Variants in ZZZ3 observed in about 807,000 individuals in gnomAD.
ZZZ3 encodes the protein zinc finger ZZ-type containing 3.
ZZZ3 carries 22 observed loss-of-function variants against 95.2 expected under a neutral mutation model. The ratio of observed to expected loss-of-function variants is 0.23; its 90% CI spans 0.17 to 0.33. The LOEUF is 0.33. Ranked by LOEUF, ZZZ3 falls within the 10% of genes least tolerant of loss-of-function variation. The probability of loss-of-function intolerance (pLI) is 1.00; values close to 1 mark genes in which losing one functional copy is unlikely to be tolerated. For missense variants in ZZZ3, 885 were observed against 1,066.5 expected (o/e 0.83, Z 2.37); for synonymous variants, 335 against 358.9 (o/e 0.93, Z 0.75).
Position 77,631,887 on chromosome 1 carries a change from A to G in ZZZ3, c.1468T>C (p.Phe490Leu), listed in dbSNP as rs1667843976. The change falls in exon 5 of 15, where the codon TTT becomes CTT. Residue 490 changes from phenylalanine (F) to leucine (L), a missense_variant. Coordinates refer to ENST00000370801, the MANE Select transcript of ZZZ3 (RefSeq NM_015534.6). ...TTCAGTGCCACATGATCTGATTCAAAGTAATAAACATCAGGATCATCATCT... is the reference window on the plus strand; with the variant it reads ...TTCAGTGCCACATGATCTGATTCAAGGTAATAAACATCAGGATCATCATCT... ...EEDDDPDVYY[F>L]ESDHVALKHN... 2 of 1,608,752 alleles carry G rather than the reference A, an allele frequency of 1.2e-6. No homozygotes were observed. Among genetic ancestry groups the G allele is most frequent in the Admixed American group, 3.4e-5 (2 of 59,424 alleles).
At chr1:77,617,343 C>G (rs1666413558) in intron 5 of ZZZ3, among the ~76,000 whole-genome samples, 1 of 152,164 alleles carries the variant, frequency 6.6e-6, no homozygotes, top group African/African-American at 2.4e-5. Context: ...CTTTCAGTCT[C>G]TATAAATTTG....
At chr1:77,661,872 A>G (rs1004188332) in intron 1 of ZZZ3, among the ~76,000 whole-genome samples, 2 of 151,894 alleles carry the variant, frequency 1.3e-5, no homozygotes, top group African/African-American at 4.8e-5. Flanking sequence ...GCTAGAGTGC[A>G]GTGACACGAT....
At chr1:77,618,814 A>C (rs545624512) in intron 5 of ZZZ3, among the ~76,000 whole-genome samples, 1 of 152,332 alleles carries the variant, frequency 6.6e-6, no homozygotes, top group African/African-American at 2.4e-5. Context: ...GGAAATTTTA[A>C]AACAATCTGT....
intron 1 of ZZZ3, among the ~76,000 whole-genome samples, chr1:77,663,044 G>A (rs1364477539): frequency 6.6e-6 from 1 of 151,830 alleles, no homozygotes; most frequent in Non-Finnish European, 1.5e-5. Context: ...GGTGGAAGTT[G>A]CAGTGAACCA....
intron 1 of ZZZ3, among the ~76,000 whole-genome samples, chr1:77,648,792 C>A (rs1414006100): frequency 6.6e-6 from 1 of 152,070 alleles, no homozygotes; most frequent in East Asian, 1.9e-4. Flanking sequence ...AAGAAATGAT[C>A]CCAAACTTTC....
chr1:77,578,056 T>A (rs998769507), intron 11 of ZZZ3, among the ~76,000 whole-genome samples: 4 of 152,092 alleles, frequency 2.6e-5, no homozygotes, highest in Non-Finnish European at 5.9e-5. Context: ...ACTTAGCAGC[T>A]AAGCAACTAG....
chr1:77,610,864 T>C (rs1665727382), intron 5 of ZZZ3, among the ~76,000 whole-genome samples: 1 of 151,780 alleles, frequency 6.6e-6, no homozygotes, highest in African/African-American at 2.4e-5. Context: ...ACAGCTGACA[T>C]CATACTCAAG....
chr1:77,631,706 C>T (rs1667828559), intron 5 of ZZZ3, 144 bp downstream of exon 5: 2 of 615,120 alleles, frequency 3.3e-6, no homozygotes, highest in Non-Finnish European at 2.6e-6. Context: ...TGGAGTTTTT[C>T]TAAGAGTTGA....
rs139323381 is a variant in ZZZ3 at position 77,632,420 on chromosome 1, C to T, written c.935G>A (p.Arg312Lys). Residue 312 changes from arginine to lysine, a missense_variant, in exon 5 of 15, where the codon AGG (arginine) becomes AAG (lysine). Physicochemically the swap from Arg to Lys is conservative, Grantham distance 26. Around this residue, in one of 5 missense-constraint regions of ZZZ3, gnomAD observed 556 missense variants for 652.9 expected, o/e 0.85. Transcript: ENST00000370801. ...CACATCTACTTCCTCCTCAGAATCC[C>T]TTAAAGATGACTGAGTTTCAGAAAA... ...GPFSETQSSL[R>K]DSEEEVDVVG... 3.9e-5 allele frequency: 63 copies of T among 1,614,004 alleles called. No homozygotes were observed. The highest frequency in any genetic ancestry group is 5.0e-5 in the Non-Finnish European group (59 of 1,180,002).
intron 5 of ZZZ3, among the ~76,000 whole-genome samples, chr1:77,617,665 G>A (rs557247963): frequency 4.6e-5 from 7 of 151,984 alleles, no homozygotes; most frequent in Non-Finnish European, 8.8e-5. Context: ...TGAGCCAGAC[G>A]TGGTGGCTCA....
intron 5 of ZZZ3, among the ~76,000 whole-genome samples, chr1:77,600,938 A>T (rs970282723): frequency 1.3e-5 from 2 of 152,340 alleles, no homozygotes; most frequent in East Asian, 3.8e-4. Flanking sequence ...TTTCAGTCAG[A>T]CTAGGATGGA....
chr1:77,669,883 G>A lies in ZZZ3; in HGVS notation c.-403+12702C>T, dbSNP rs747338056. On this transcript the variant is annotated intron_variant, in intron 1 of 14. Coordinates refer to ENST00000370801, the MANE Select transcript of ZZZ3 (RefSeq NM_015534.6). ...AAAGAAAAGAAAACTGTAATAGGCT[G>A]AAGGTGGGAATGACTTAAAACAGGT... is the stretch of plus-strand genomic sequence containing the variant. Among the ~76,000 whole-genome samples, 24 of 152,322 alleles carry A rather than the reference G, an allele frequency of 1.6e-4. No individual in the cohort carries two copies. The Middle Eastern group carries it at 0.01, about 65-fold the overall frequency.
chr1:77,599,120 GAGTATTTAAATAAATAAAT>G (rs1664490533), intron 5 of ZZZ3, among the ~76,000 whole-genome samples: 1 of 152,036 alleles, frequency 6.6e-6, no homozygotes, highest in South Asian at 2.1e-4. Context: ...GGTTTTTAAA[GAGTATTTAAATAAATAAAT>G]AAATAGTAAA....
chr1:77,573,559 A>G (rs572395526), intron 12 of ZZZ3, among the ~76,000 whole-genome samples: 1 of 152,354 alleles, frequency 6.6e-6, no homozygotes, highest in Non-Finnish European at 1.5e-5. Context: ...AGCCTGATAA[A>G]TAGTAAGTTT....
chr1:77,593,444 T>C (rs1213097085), intron 5 of ZZZ3, among the ~76,000 whole-genome samples: 1 of 152,094 alleles, frequency 6.6e-6, no homozygotes, highest in Non-Finnish European at 1.5e-5. Flanking sequence ...ACAGATACAG[T>C]ACGGTTCAAA....
chr1:77,681,013 G>T (rs909121690), intron 1 of ZZZ3, among the ~76,000 whole-genome samples: 3 of 152,036 alleles, frequency 2.0e-5, no homozygotes, highest in Non-Finnish European at 4.4e-5. Context: ...AAAAATCTGC[G>T]TAAGTATGCA....
intron 1 of ZZZ3, among the ~76,000 whole-genome samples, chr1:77,646,269 G>A (rs573319524): frequency 6.6e-6 from 1 of 151,876 alleles, no homozygotes; most frequent in Non-Finnish European, 1.5e-5. Flanking sequence ...GCCCAGGCTG[G>A]AGCGTAGTGG....
chr1:77,581,525 A>C (rs1662525151), intron 8 of ZZZ3, among the ~76,000 whole-genome samples: 2 of 152,212 alleles, frequency 1.3e-5, no homozygotes, highest in African/African-American at 4.8e-5. Context: ...ACAACCCTAC[A>C]AGATAGGTAA....
At chr1:77,667,183 A>C (rs967862551) in intron 1 of ZZZ3, among the ~76,000 whole-genome samples, 3 of 152,242 alleles carry the variant, frequency 2.0e-5, no homozygotes, top group African/African-American at 7.2e-5. Context: ...TAATTACTCA[A>C]TATTATTTTA....
Sources: gnomAD v4.1 joint callset for allele counts (sites outside exome capture counted in the v4.1 genomes callset) on GRCh38, gnomAD v4.1.1 for gene constraint, gnomAD v4.1.1 regional missense constraint, MANE v1.5 for transcripts, NCBI Gene and HGNC (gene_info 2026-07-23, HGNC 2026-07-21) for gene names.